The following ABI3BP variants were observed in gnomAD, a reference collection of about 807,000 sequenced individuals.
The protein encoded by ABI3BP is ABI family member 3 binding protein.
In ABI3BP, 216 loss-of-function variants were observed where a neutral mutation model predicts 268.6. The ratio of observed to expected loss-of-function variants is 0.80; its 90% confidence interval spans 0.72 to 0.90. The LOEUF (loss-of-function observed/expected upper bound fraction) is 0.90. Ranked by LOEUF, ABI3BP falls within the 40% of genes least tolerant of loss-of-function variation. The pLI, the probability that ABI3BP is intolerant of heterozygous loss-of-function variation, is 0.00. For synonymous variants in ABI3BP, 730 were observed against 730.0 expected, an observed-to-expected ratio of 1.00 and a Z score of 0.00; for missense variants, 2,090 against 2,182.4, an observed-to-expected ratio of 0.96 and a Z score of 0.84.
At chr3:100,821,197 A>T (rs1013530446) in intron 38 of ABI3BP, 84 bp from the exon 39 acceptor site, 1 of 1,119,764 alleles carries the variant, frequency 8.9e-7, no homozygotes, top group South Asian at 1.4e-5. Flanking sequence ...GAGTCTTACT[A>T]GTATAATACA....
intron 4 of ABI3BP, among the ~76,000 whole-genome samples, chr3:100,894,627 C>G (rs901039360): frequency 4.6e-5 from 7 of 151,988 alleles, no homozygotes; most frequent in African/African-American, 1.7e-4. Context: ...AAAAGGAGAG[C>G]CCTCATTCTA....
At chr3:100,801,436 A>AG (rs1553868389) in intron 51 of ABI3BP, among the ~76,000 whole-genome samples, 1 of 145,374 alleles carries the variant, frequency 6.9e-6, no homozygotes, top group South Asian at 2.3e-4. Context: ...AAAAAAAAAA[A>AG]AAAAGAAAAG....
At chr3:100,849,224 CTTTT>C (rs547312079) in intron 17 of ABI3BP, among the ~76,000 whole-genome samples, 4 of 125,542 alleles carry the variant, frequency 3.2e-5, no homozygotes, top group African/African-American at 6.2e-5. Context: ...TTTGGAACTA[CTTTT>C]TTTTTTTTTT....
chr3:100,863,373 T>C (rs2099018449), intron 12 of ABI3BP: 1 of 158,178 alleles, frequency 6.3e-6, no homozygotes, highest in Admixed American at 6.4e-5. Flanking sequence ...TTGCAGTGCG[T>C]GGCACGATCT....
At chr3:100,797,187 C>T (rs548061392) in intron 51 of ABI3BP, among the ~76,000 whole-genome samples, 3 of 152,044 alleles carry the variant, frequency 2.0e-5, no homozygotes, top group Admixed American at 6.6e-5. Context: ...TAGGCCTACT[C>T]GTATATGCAG....
chr3:100,848,083 T>C (rs564944695), intron 18 of ABI3BP, among the ~76,000 whole-genome samples: 52 of 152,348 alleles, frequency 3.4e-4, no homozygotes, highest in African/African-American at 1.3e-3. Flanking sequence ...ATTACAGTCT[T>C]GGAAATAAGT....
At chr3:100,874,190 G>A (rs2099137833) in intron 9 of ABI3BP, among the ~76,000 whole-genome samples, 1 of 152,002 alleles carries the variant, frequency 6.6e-6, no homozygotes. Context: ...AGGTGGGTTG[G>A]TGGTGGGGGG....
intron 20 of ABI3BP, among the ~76,000 whole-genome samples, chr3:100,844,736 C>T (rs2098748116): frequency 6.6e-6 from 1 of 152,174 alleles, no homozygotes; most frequent in South Asian, 2.1e-4. Context: ...AGGGCACAGG[C>T]CTAGGTGTGG....
At chr3:100,847,161 C>T (rs1477110049) in intron 19 of ABI3BP, among the ~76,000 whole-genome samples, 2 of 152,054 alleles carry the variant, frequency 1.3e-5, no homozygotes, top group African/African-American at 4.8e-5. Context: ...AAAAAAACTA[C>T]TCTCAAAAAA....
At chr3:100,870,059 G>A (rs1247672471) in intron 9 of ABI3BP, among the ~76,000 whole-genome samples, 6 of 152,154 alleles carry the variant, frequency 3.9e-5, no homozygotes, top group Non-Finnish European at 8.8e-5. Context: ...GAATGAGGAT[G>A]TTGTTTTTAG....
At chr3:100,979,313 A>T (rs904066593) in intron 1 of ABI3BP, among the ~76,000 whole-genome samples, 4 of 152,198 alleles carry the variant, frequency 2.6e-5, no homozygotes, top group Non-Finnish European at 5.9e-5. Flanking sequence ...ATCTTCCACA[A>T]CCAGGCCTTG....
intron 15 of ABI3BP, 100 bp from the exon 16 acceptor site, chr3:100,850,834 A>G (rs776410425): frequency 6.8e-6 from 6 of 881,716 alleles, no homozygotes; most frequent in South Asian, 4.7e-5. Flanking sequence ...GAGGAAAAAT[A>G]TCAAGAATAC....
intron 6 of ABI3BP, among the ~76,000 whole-genome samples, chr3:100,883,696 A>G (rs2040529632): frequency 6.6e-6 from 1 of 152,106 alleles, no homozygotes; most frequent in African/African-American, 2.4e-5. Context: ...ATAAATTAGT[A>G]CCACTTTTCG....
intron 4 of ABI3BP, among the ~76,000 whole-genome samples, chr3:100,898,005 T>G (rs2048503864): frequency 6.6e-6 from 1 of 152,254 alleles, no homozygotes; most frequent in African/African-American, 2.4e-5. Flanking sequence ...TGGTTCAGCA[T>G]GTAGCACAGG....
intron 1 of ABI3BP, among the ~76,000 whole-genome samples, chr3:100,966,905 G>A (rs2081519230): frequency 1.3e-5 from 2 of 151,310 alleles, no homozygotes; most frequent in South Asian, 4.2e-4. Flanking sequence ...CACGTTATGT[G>A]TGCAATAAAT....
intron 1 of ABI3BP, among the ~76,000 whole-genome samples, chr3:100,973,876 C>T (rs189707273): frequency 3.9e-5 from 6 of 152,158 alleles, no homozygotes; most frequent in South Asian, 2.1e-4. Flanking sequence ...CAAATGTAGC[C>T]GATTTCCACA....
At chr3:100,893,194 T>C (rs1410789143) in intron 4 of ABI3BP, among the ~76,000 whole-genome samples, 1 of 152,182 alleles carries the variant, frequency 6.6e-6, no homozygotes, top group African/African-American at 2.4e-5. Flanking sequence ...TTTTGGATTC[T>C]TGGACTTAAT....
At chr3:100,764,307 G>A (rs1025039389) in intron 63 of ABI3BP, among the ~76,000 whole-genome samples, 1 of 152,218 alleles carries the variant, frequency 6.6e-6, no homozygotes, top group Non-Finnish European at 1.5e-5. Flanking sequence ...TTCATTCAGA[G>A]TTCTCACTAC....
At chr3:100,986,686 T>G (rs1209637757) in intron 1 of ABI3BP, among the ~76,000 whole-genome samples, 1 of 152,100 alleles carries the variant, frequency 6.6e-6, no homozygotes, top group Non-Finnish European at 1.5e-5. Context: ...AGGCTGGTCT[T>G]GAACTCTTGA....
Sources: gnomAD v4.1 joint callset for allele counts (sites outside exome capture counted in the v4.1 genomes callset) on GRCh38, gnomAD v4.1.1 for gene constraint, MANE v1.5 for transcripts, NCBI Gene and HGNC (gene_info 2026-07-23, HGNC 2026-07-21) for gene names.